Variants in NAV2 observed in about 807,000 individuals in gnomAD.
NAV2 encodes the protein helicase, APC down-regulated 1.
Under a neutral mutation model 223.2 loss-of-function variants are expected in NAV2, and 54 were observed. The ratio of observed to expected loss-of-function variants is 0.24; its 90% CI spans 0.19 to 0.30. The LOEUF (loss-of-function observed/expected upper bound fraction) is 0.30. Ranked by LOEUF, NAV2 falls within the 10% of genes least tolerant of loss-of-function variation. NAV2 has a pLI of 1.00. For synonymous variants in NAV2, 1,279 were observed against 1,239.3 expected, an observed-to-expected ratio of 1.03 and a Z score of -0.67; for missense variants, 2,806 against 3,147.5, an observed-to-expected ratio of 0.89 and a Z score of 2.60.
intron 1 of NAV2, among the ~76,000 whole-genome samples, chr11:19,554,608 G>A (rs545221032): frequency 6.6e-6 from 1 of 152,210 alleles, no homozygotes; most frequent in African/African-American, 2.4e-5. Flanking sequence ...GTCCTCCAGG[G>A]TTCTGTTTCT....
At chr11:19,836,645 C>T (rs1244852382) in intron 2 of NAV2, among the ~76,000 whole-genome samples, 1 of 151,946 alleles carries the variant, frequency 6.6e-6, no homozygotes. Flanking sequence ...TAATTACTTC[C>T]TGTGATGGGC....
At chr11:20,071,733 C>A (rs1302004802) in intron 22 of NAV2, among the ~76,000 whole-genome samples, 1 of 152,158 alleles carries the variant, frequency 6.6e-6, no homozygotes, top group African/African-American at 2.4e-5. Flanking sequence ...TAAATGTCTT[C>A]TTTTGAAAAG....
At chr11:19,852,905 T>A (rs1369408391) in intron 3 of NAV2, among the ~76,000 whole-genome samples, 1 of 152,342 alleles carries the variant, frequency 6.6e-6, no homozygotes, top group East Asian at 1.9e-4. Context: ...TTGAGCGCAC[T>A]GTGTAAGTTT....
At chr11:20,081,975 G>T (rs184797064) in intron 25 of NAV2, among the ~76,000 whole-genome samples, 2 of 152,094 alleles carry the variant, frequency 1.3e-5, no homozygotes, top group African/African-American at 4.8e-5. Flanking sequence ...ACAGAGGCGG[G>T]GGGGAAAGAA....
At chr11:19,896,484 T>TTAGAA (rs113496000) in intron 6 of NAV2, among the ~76,000 whole-genome samples, 2,591 of 152,228 alleles carry the variant, frequency 0.017, 80 homozygotes, top group African/African-American at 0.059. Flanking sequence ...ATAAAGCACT[T>TTAGAA]TACTGCTTGG....
At chr11:19,770,310 T>C (rs573814737) in intron 1 of NAV2, among the ~76,000 whole-genome samples, 1 of 152,180 alleles carries the variant, frequency 6.6e-6, no homozygotes, top group Admixed American at 6.5e-5. Context: ...GTAGACTAGA[T>C]ATGCCTAAAA....
chr11:19,370,895 A>G (rs931999545), intron 1 of NAV2, among the ~76,000 whole-genome samples: 4 of 152,200 alleles, frequency 2.6e-5, no homozygotes, highest in African/African-American at 9.6e-5. Context: ...GGACGATTCC[A>G]TGGCTTCATG....
intron 1 of NAV2, among the ~76,000 whole-genome samples, chr11:19,749,853 G>A (rs900581580): frequency 4.6e-5 from 7 of 152,236 alleles, no homozygotes; most frequent in African/African-American, 1.2e-4. Context: ...TCCTGGTGCC[G>A]TTTGTCATCT....
At chr11:19,895,641 C>T (rs763865236) in intron 6 of NAV2, among the ~76,000 whole-genome samples, 9 of 151,998 alleles carry the variant, frequency 5.9e-5, no homozygotes, top group Non-Finnish European at 1.0e-4. Flanking sequence ...TGAGGATTCA[C>T]AATGATAAAA....
intron 4 of NAV2, among the ~76,000 whole-genome samples, chr11:19,875,031 C>G (rs967887917): frequency 3.9e-5 from 6 of 152,124 alleles, no homozygotes; most frequent in African/African-American, 1.4e-4. Context: ...GTGGCATGCA[C>G]CTATAATCCC....
intron 5 of NAV2, among the ~76,000 whole-genome samples, chr11:19,886,144 ATT>A (rs35749323): frequency 4.9e-5 from 7 of 143,504 alleles, no homozygotes; most frequent in African/African-American, 7.7e-5. Flanking sequence ...TACCCAGCTA[ATT>A]TTTTTTTTTT....
intron 1 of NAV2, among the ~76,000 whole-genome samples, chr11:19,435,581 G>A (rs923455743): frequency 2.9e-4 from 44 of 152,130 alleles, no homozygotes; most frequent in African/African-American, 9.9e-4. Flanking sequence ...ATTCCTTTGA[G>A]TATATACCCA....
chr11:19,585,313 T>C (rs2135073172), intron 1 of NAV2, among the ~76,000 whole-genome samples: 1 of 152,354 alleles, frequency 6.6e-6, no homozygotes, highest in Middle Eastern at 3.4e-3. Flanking sequence ...AGCACACTGA[T>C]GGGTCTTGAC....
In NAV2 at chr11:19,719,416, C is replaced by A. The variant is rs1010644978; in HGVS notation, c.267+5454C>A. Among the ~76,000 whole-genome samples, 3 of 152,098 alleles carry A rather than the reference C, an allele frequency of 2.0e-5. No homozygotes were observed. The East Asian group carries it at 5.8e-4, about 29-fold the overall frequency. ...TTTATTGAGAGGTCAGAGTTTGCATCTAGGCTTTGGGCAAATTATAGAACA... is the reference window on the plus strand; with the variant it reads ...TTTATTGAGAGGTCAGAGTTTGCATATAGGCTTTGGGCAAATTATAGAACA... On this transcript the variant is annotated intron_variant, in intron 1 of 37. Transcript: ENST00000349880.
chr11:19,914,599 C>CA (rs2043624456), intron 6 of NAV2, among the ~76,000 whole-genome samples: 1 of 150,994 alleles, frequency 6.6e-6, no homozygotes, highest in South Asian at 2.1e-4. Context: ...CTGCGGACTG[C>CA]AGTGGCGCAA....
intron 1 of NAV2, among the ~76,000 whole-genome samples, chr11:19,461,256 C>T (rs1048405381): frequency 2.6e-5 from 4 of 152,092 alleles, no homozygotes; most frequent in African/African-American, 7.2e-5. Context: ...TCTCAGACCC[C>T]GCCTCCCCTC....
intron 26 of NAV2, among the ~76,000 whole-genome samples, chr11:20,086,448 A>T (rs1271614939): frequency 6.6e-6 from 1 of 152,146 alleles, no homozygotes; most frequent in Non-Finnish European, 1.5e-5. Flanking sequence ...TCACTTGCAT[A>T]AACCAACATT....
At chr11:19,581,934 T>C (rs1411160922) in intron 1 of NAV2, among the ~76,000 whole-genome samples, 10 of 152,174 alleles carry the variant, frequency 6.6e-5, no homozygotes, top group Admixed American at 1.3e-4. Flanking sequence ...CATGAGGAAT[T>C]GCCACACTGA....
chr11:19,791,875 C>A (rs2057545448), intron 1 of NAV2, among the ~76,000 whole-genome samples: 1 of 152,094 alleles, frequency 6.6e-6, no homozygotes, highest in Non-Finnish European at 1.5e-5. Context: ...TCCTCTCCAC[C>A]TAAGATGATT....
Sources: gnomAD v4.1 joint callset for allele counts (sites outside exome capture counted in the v4.1 genomes callset) on GRCh38, gnomAD v4.1.1 for gene constraint, MANE v1.5 for transcripts, NCBI Gene and HGNC (gene_info 2026-07-23, HGNC 2026-07-21) for gene names.